Variants in CLIC5 observed in about 807,000 individuals in gnomAD.
The protein encoded by CLIC5 is chloride intracellular channel protein 5.
A neutral mutation model predicts 24.7 loss-of-function variants in CLIC5; 20 were observed. That is an observed-to-expected ratio of 0.81 (90% CI 0.57 to 1.18). The LOEUF (loss-of-function observed/expected upper bound fraction) is 1.18, where lower values mean the gene tolerates loss of function less well. Among genes scored for constraint, CLIC5 ranks in the 50% most tolerant of loss-of-function variants. CLIC5 has a pLI of 0.00. For synonymous variants in CLIC5, 159 were observed against 135.6 expected (o/e 1.17, Z -1.20); for missense variants, 341 against 326.1 (o/e 1.05, Z -0.35).
the CLIC5 span, among the ~76,000 whole-genome samples, chr6:46,118,938 T>C: frequency 4.6e-5 from 7 of 152,120 alleles, no homozygotes; most frequent in African/African-American, 1.7e-4. Context: ...GTAATCACGA[T>C]GTGGAATCCT....
At chr6:45,982,405 G>A (rs970251690) in intron 1 of CLIC5, among the ~76,000 whole-genome samples, 1 of 151,998 alleles carries the variant, frequency 6.6e-6, no homozygotes, top group Non-Finnish European at 1.5e-5. Flanking sequence ...TAATAATAGG[G>A]ATGCATTCTG....
chr6:46,105,652 T>C, the CLIC5 span, among the ~76,000 whole-genome samples: 1 of 152,332 alleles, frequency 6.6e-6, no homozygotes, highest in South Asian at 2.1e-4. Flanking sequence ...TTTGAAGTCT[T>C]CTGTTTTCCT....
At position 45,958,429 on chromosome 6, in the gene CLIC5, T is replaced by TATATATATATATATACACACACACACAC. The variant is rs1561964389; in HGVS notation, c.64-3186_64-3185insGTGTGTGTGTGTGTATATATATATATAT. 2.4e-3 allele frequency among the ~76,000 whole-genome samples: 11 copies of TATATATATATATATACACACACACACAC among 4,662 alleles called. 1 individual carries two copies. The highest frequency in any genetic ancestry group is 3.2e-3 in the African/African-American group (11 of 3,392). The allele number at this position is 4,662 out of a possible 152,430, so 3.1% of individuals were successfully genotyped here. A position where few individuals can be genotyped will look rare whatever the true frequency, so the allele number is the denominator to read the frequency against. ...GAAGTGTCAAAAAGACAATTATATA[T>TATATATATATATATACACACACACACAC]ATATATATATATATATATATATATA... On this transcript the variant is annotated intron_variant, in intron 1 of 5. Transcript: ENST00000339561.
intron 1 of CLIC5, among the ~76,000 whole-genome samples, chr6:46,060,505 C>G (rs1395288511): frequency 1.3e-5 from 2 of 152,098 alleles, no homozygotes; most frequent in Non-Finnish European, 2.9e-5. Flanking sequence ...CTCATTTAAT[C>G]CTCACAGCAA....
chr6:46,015,451 G>A (rs1407409899), intron 1 of CLIC5, 29 bp downstream of exon 1: 1 of 1,474,852 alleles, frequency 6.8e-7, no homozygotes, highest in South Asian at 1.4e-5. Context: ...GGCGCGGCAG[G>A]TGCGGCGGGA....
chr6:45,903,117 C>A lies in CLIC5; in HGVS notation c.727G>T (p.Asp243Tyr), dbSNP rs896196395. The A allele has an allele frequency of 1.2e-6, 2 of 1,614,170 alleles. No homozygotes were observed. The highest frequency in any genetic ancestry group is 2.2e-5 in the South Asian group (2 of 91,084). Residue 243 changes from aspartate to tyrosine, a missense_variant, in exon 6 of 6, where the codon GAT becomes TAT. Transcript: ENST00000339561. ...ADSEIELAYA[D>Y]VAKRLSRS ...GATCGGCTGAGGCGTTTGGCGACAT[C>A]AGCGTAGGCCAACTCGATCTCACTG...
the CLIC5 span, among the ~76,000 whole-genome samples, chr6:46,097,721 T>C: frequency 6.6e-6 from 1 of 152,248 alleles, no homozygotes; most frequent in Non-Finnish European, 1.5e-5. Flanking sequence ...AATGTCTTGA[T>C]AGTTAAGATT....
chr6:46,091,351 A>G, the CLIC5 span, among the ~76,000 whole-genome samples: 1 of 152,152 alleles, frequency 6.6e-6, no homozygotes, highest in African/African-American at 2.4e-5. Flanking sequence ...ATGTGGTAGT[A>G]TTTGTTTTTC....
At chr6:45,972,984 C>G (rs1291219888) in intron 1 of CLIC5, among the ~76,000 whole-genome samples, 1 of 152,162 alleles carries the variant, frequency 6.6e-6, no homozygotes, top group Non-Finnish European at 1.5e-5. Context: ...ATTTCCATAC[C>G]TCGTGCAGAG....
At chr6:45,983,883 AT>A (rs1321309338) in intron 1 of CLIC5, among the ~76,000 whole-genome samples, 3 of 152,120 alleles carry the variant, frequency 2.0e-5, no homozygotes, top group Non-Finnish European at 4.4e-5. Flanking sequence ...TACTTGACTT[AT>A]TTCTTTATAT....
Position 45,984,769 on chromosome 6 carries a change from ATCACTAATGAAGAAT to A in CLIC5, c.64-29540_64-29526del, listed in dbSNP as rs555585006. Among the ~76,000 whole-genome samples the A allele has an allele frequency of 3.5e-4, 53 of 152,320 alleles. 2 individuals carry two copies. The South Asian group carries it at 0.011, about 30-fold the overall frequency. On this transcript the variant is annotated intron_variant, in intron 1 of 5. Transcript: ENST00000339561. ...CTTTGTTTACAGCCATCCATTCAAAATCACTAATGAAGAATTCATTGAGGTTTCCATGATGTTTTC... is the reference window on the plus strand; with the variant it reads ...CTTTGTTTACAGCCATCCATTCAAAATCATTGAGGTTTCCATGATGTTTTC...
chr6:45,999,082 G>A (rs753758009), intron 1 of CLIC5, among the ~76,000 whole-genome samples: 1 of 152,138 alleles, frequency 6.6e-6, no homozygotes, highest in South Asian at 2.1e-4. Flanking sequence ...TGAGAGCAGA[G>A]TCCTTTTGGA....
At position 46,062,548 on chromosome 6, in the gene CLIC5, T is replaced by C. The variant is rs372578861; in HGVS notation, c.540+17155A>G. 4.9e-3 allele frequency among the ~76,000 whole-genome samples: 751 copies of C among 152,372 alleles called. 2 individuals are homozygous for C. The highest frequency in any genetic ancestry group is 0.016 in the African/African-American group (657 of 41,590). Reference sequence around the variant, plus strand: ...CTCGTGAAGGGAGGCAGAAGGGCACTGCTTATAAAGCATAAAAGTGGGACA... The same window carrying C: ...CTCGTGAAGGGAGGCAGAAGGGCACCGCTTATAAAGCATAAAAGTGGGACA... On this transcript the variant is annotated intron_variant, in intron 1 of 5. Transcript: ENST00000185206.
chr6:46,113,220 TA>T, the CLIC5 span, among the ~76,000 whole-genome samples: 1 of 152,126 alleles, frequency 6.6e-6, no homozygotes, highest in Non-Finnish European at 1.5e-5. Context: ...TAATTCTGAA[TA>T]TGAGAGAACA....
At chr6:45,980,714 A>G (rs1200070905) in intron 1 of CLIC5, among the ~76,000 whole-genome samples, 1 of 152,066 alleles carries the variant, frequency 6.6e-6, no homozygotes, top group East Asian at 1.9e-4. Context: ...ATTAAAAAAA[A>G]AAAACCTAGA....
chr6:45,912,741 T>TG, intron 5 of CLIC5: 1 of 1,530,376 alleles, frequency 6.5e-7, no homozygotes, highest in Non-Finnish European at 8.8e-7. Flanking sequence ...TACTTGTTCC[T>TG]AAGGAGAAGA....
chr6:46,021,481 T>TC (rs1767182054), intron 1 of CLIC5, among the ~76,000 whole-genome samples: 1 of 152,088 alleles, frequency 6.6e-6, no homozygotes, highest in Non-Finnish European at 1.5e-5. Flanking sequence ...GTACATAAAT[T>TC]TTTTTTTACA....
intron 1 of CLIC5, among the ~76,000 whole-genome samples, chr6:45,987,592 A>T (rs1242552973): frequency 6.6e-6 from 1 of 152,202 alleles, no homozygotes; most frequent in African/African-American, 2.4e-5. Flanking sequence ...ATAACAACAA[A>T]AGAATTATTT....
At chr6:46,104,027 A>G in the CLIC5 span, among the ~76,000 whole-genome samples, 2 of 152,280 alleles carry the variant, frequency 1.3e-5, no homozygotes, top group South Asian at 4.2e-4. Context: ...GTCTTGGTGT[A>G]GTCAAGTACA....
Sources: allele counts gnomAD v4.1 joint callset (sites outside exome capture counted in the v4.1 genomes callset), GRCh38; gene constraint gnomAD v4.1.1; transcripts MANE v1.5; gene names NCBI Gene and HGNC (gene_info 2026-07-23, HGNC 2026-07-21).